The following CYP19A1 variants were observed in gnomAD, a reference collection of about 807,000 sequenced individuals.
CYP19A1 encodes aromatase.
Under a neutral mutation model 44.4 loss-of-function variants are expected in CYP19A1, and 32 were observed. The observed-to-expected ratio is 0.72, with a 90% CI of 0.54 to 0.97. The LOEUF (loss-of-function observed/expected upper bound fraction) is 0.97, where lower values mean the gene tolerates loss of function less well. CYP19A1 is among the 50% of genes least tolerant of loss of function. CYP19A1 has a pLI of 0.00. For missense variants in CYP19A1, 598 were observed against 637.8 expected (o/e 0.94, Z 0.67); for synonymous variants, 212 against 215.6 (o/e 0.98, Z 0.14).
At chr15:51,245,702 AT>A (rs1252549766) in intron 1 of CYP19A1, among the ~76,000 whole-genome samples, 1 of 152,248 alleles carries the variant, frequency 6.6e-6, no homozygotes. Flanking sequence ...CAAAAAGAAT[AT>A]TTTTTAACAC....
At chr15:51,218,868 T>C (rs1164490658) in intron 5 of CYP19A1, among the ~76,000 whole-genome samples, 1 of 152,230 alleles carries the variant, frequency 6.6e-6, no homozygotes, top group East Asian at 1.9e-4. Context: ...GCCATCCAAA[T>C]TGGCCTACTT....
At chr15:51,258,039 A>G (rs915278422) in intron 1 of CYP19A1, among the ~76,000 whole-genome samples, 1 of 152,206 alleles carries the variant, frequency 6.6e-6, no homozygotes, top group African/African-American at 2.4e-5. Flanking sequence ...GCTGTTACCA[A>G]TGAAGTCCAG....
chr15:51,230,814 G>A (rs890936070), intron 3 of CYP19A1, among the ~76,000 whole-genome samples: 1 of 151,924 alleles, frequency 6.6e-6, no homozygotes, highest in African/African-American at 2.4e-5. Context: ...TAGAGACAGG[G>A]TTTCACCATG....
chr15:51,239,095 T>C (rs2033590652), intron 2 of CYP19A1, among the ~76,000 whole-genome samples: 1 of 152,120 alleles, frequency 6.6e-6, no homozygotes. Context: ...ATTAGGGAAA[T>C]ATTCTGGTTG....
At chr15:51,257,589 GC>G (rs1207723453) in intron 1 of CYP19A1, among the ~76,000 whole-genome samples, 1 of 152,220 alleles carries the variant, frequency 6.6e-6, no homozygotes, top group Non-Finnish European at 1.5e-5. Flanking sequence ...CCATGTCATG[GC>G]GTAAGGAATC....
chr15:51,249,419 C>G (rs2034212466), intron 1 of CYP19A1, among the ~76,000 whole-genome samples: 1 of 152,184 alleles, frequency 6.6e-6, no homozygotes, highest in South Asian at 2.1e-4. Flanking sequence ...CCTGAGCCAT[C>G]TCTTACCTGG....
At chr15:51,223,593 T>TCTCACACACACACACACACACACACACA (rs1356666512) in intron 4 of CYP19A1, among the ~76,000 whole-genome samples, 3 of 90,146 alleles carry the variant, frequency 3.3e-5, no homozygotes, top group Admixed American at 1.2e-4. Context: ...TCTCTCTCTC[T>TCTCACACACACACACACACACACACACA]CACACACACA....
intron 2 of CYP19A1, among the ~76,000 whole-genome samples, chr15:51,237,992 C>T (rs767978992): frequency 2.6e-5 from 4 of 152,192 alleles, no homozygotes; most frequent in Non-Finnish European, 5.9e-5. Flanking sequence ...TCTCACCTTA[C>T]GGGCAAAAGT....
At chr15:51,260,567 T>C (rs2034676864) in intron 1 of CYP19A1, among the ~76,000 whole-genome samples, 1 of 152,228 alleles carries the variant, frequency 6.6e-6, no homozygotes, top group African/African-American at 2.4e-5. Flanking sequence ...AGAGATTGTT[T>C]ACTTCAAAAT....
intron 1 of CYP19A1, among the ~76,000 whole-genome samples, chr15:51,256,742 C>T (rs1337766026): frequency 6.6e-6 from 1 of 152,166 alleles, no homozygotes; most frequent in Non-Finnish European, 1.5e-5. Context: ...AAACACCTAA[C>T]ACAAAGGCAA....
intron 1 of CYP19A1, among the ~76,000 whole-genome samples, chr15:51,260,420 G>C (rs527575439): frequency 1.4e-4 from 21 of 152,312 alleles, no homozygotes; most frequent in African/African-American, 5.1e-4. Flanking sequence ...CCTTTTAAAA[G>C]GCTAAAGCAG....
chr15:51,325,681 T>G (rs1201620226), intron 1 of CYP19A1, among the ~76,000 whole-genome samples: 1 of 151,522 alleles, frequency 6.6e-6, no homozygotes, highest in Non-Finnish European at 1.5e-5. Flanking sequence ...CTACTAAAAA[T>G]ACAAAAATTA....
chr15:51,309,770 T>C (rs987172328), intron 1 of CYP19A1, among the ~76,000 whole-genome samples: 2 of 152,150 alleles, frequency 1.3e-5, no homozygotes, highest in African/African-American at 4.8e-5. Flanking sequence ...TCTGACAAGG[T>C]GTTGTGGTTC....
chr15:51,237,990 T>C (rs2033514533), intron 2 of CYP19A1, among the ~76,000 whole-genome samples: 1 of 152,240 alleles, frequency 6.6e-6, no homozygotes, highest in African/African-American at 2.4e-5. Context: ...ATTCTCACCT[T>C]ACGGGCAAAA....
chr15:51,211,094 G>C (rs760208007), intron 9 of CYP19A1, 38 bp from the exon 10 acceptor site: 1 of 1,411,854 alleles, frequency 7.1e-7, no homozygotes, highest in East Asian at 2.3e-5. Context: ...GAATATTAAA[G>C]GCTAGAGTCA....
chr15:51,212,617 GGT>G, intron 8 of CYP19A1, 56 bp from the exon 9 acceptor site: 1 of 1,134,968 alleles, frequency 8.8e-7, no homozygotes, highest in Non-Finnish European at 1.3e-6. Context: ...ATCTGTGATT[GGT>G]ATTAAAGCTT....
intron 1 of CYP19A1, among the ~76,000 whole-genome samples, chr15:51,262,298 G>GCAAAAAACA (rs2034756387): frequency 6.6e-6 from 1 of 152,042 alleles, no homozygotes. Flanking sequence ...TAAATATGTG[G>GCAAAAAACA]GTAAATCTCT....
chr15:51,312,194 A>C (rs1458431985), intron 1 of CYP19A1: 21 of 152,220 alleles, frequency 1.4e-4, no homozygotes, highest in Admixed American at 1.4e-3. Context: ...AAAGGACAGG[A>C]AGCTCTGTAG....
At chr15:51,235,970 A>G (rs1336002567) in intron 3 of CYP19A1, among the ~76,000 whole-genome samples, 5 of 152,356 alleles carry the variant, frequency 3.3e-5, no homozygotes, top group Non-Finnish European at 5.9e-5. Context: ...GCCATCTTTG[A>G]AATTCTCCAT....
Sources: gnomAD v4.1 joint callset for allele counts (sites outside exome capture counted in the v4.1 genomes callset) on GRCh38, gnomAD v4.1.1 for gene constraint, MANE v1.5 for transcripts, NCBI Gene and HGNC (gene_info 2026-07-23, HGNC 2026-07-21) for gene names.